Variants in TDP2 observed in about 807,000 individuals in gnomAD.
TDP2 encodes tyrosyl-DNA phosphodiesterase 2.
Under a neutral mutation model 42.8 loss-of-function variants are expected in TDP2, and 38 were observed. The ratio of observed to expected loss-of-function variants is 0.89; its 90% CI spans 0.68 to 1.16. TDP2 has a LOEUF of 1.16. TDP2 is among the 50% of genes most tolerant of loss of function. The pLI, the probability that TDP2 is intolerant of heterozygous loss-of-function variation, is 0.00. For synonymous variants in TDP2, 173 were observed against 150.6 expected (o/e 1.15, Z -1.09); for missense variants, 439 against 439.3 (o/e 1.00, Z 0.01).
At chr6:24,657,082 T>G (rs1164937792) in intron 4 of TDP2, among the ~76,000 whole-genome samples, 1 of 152,228 alleles carries the variant, frequency 6.6e-6, no homozygotes, top group African/African-American at 2.4e-5. Flanking sequence ...CAGTTGACAC[T>G]TGAACAACAC....
At chr6:24,658,038 T>A in intron 3 of TDP2, 135 bp from the exon 4 acceptor site, 1 of 551,140 alleles carries the variant, frequency 1.8e-6, no homozygotes, top group Non-Finnish European at 3.2e-6. Flanking sequence ...TTTATGCTGA[T>A]CTTTGATAAC....
At chr6:24,663,954 A>C (rs17243513) in intron 2 of TDP2, among the ~76,000 whole-genome samples, 6,206 of 152,348 alleles carry the variant, frequency 0.041, 352 homozygotes, top group African/African-American at 0.12. Flanking sequence ...TCCTTTTGGA[A>C]AAATGAAAAG....
At chr6:24,662,436 G>C (rs1778165917) in intron 2 of TDP2, among the ~76,000 whole-genome samples, 2 of 151,864 alleles carry the variant, frequency 1.3e-5, no homozygotes, top group South Asian at 2.1e-4. Flanking sequence ...ACTCTTTATT[G>C]CACTGAGATG....
chr6:24,665,908 T>C, intron 2 of TDP2: 1 of 524,588 alleles, frequency 1.9e-6, no homozygotes, highest in Non-Finnish European at 3.0e-6. Context: ...TAAAGATCTT[T>C]ACGAAGTTTC....
chr6:24,651,712 G>C (rs972011405), intron 6 of TDP2, among the ~76,000 whole-genome samples: 2 of 151,740 alleles, frequency 1.3e-5, no homozygotes, highest in Non-Finnish European at 2.9e-5. Context: ...TCAGCCTTCT[G>C]CATAGCTGGG....
chr6:24,662,032 T>G (rs1778157105), intron 2 of TDP2, among the ~76,000 whole-genome samples: 1 of 152,136 alleles, frequency 6.6e-6, no homozygotes, highest in Admixed American at 6.5e-5. Flanking sequence ...TTGTTAAAAT[T>G]GTGTTTGCAA....
In TDP2 at chr6:24,666,100, AAT is replaced by A. The variant is rs575367597; in HGVS notation, c.251+424_251+425del. On this transcript the variant is annotated intron_variant, in intron 2 of 6. Transcript: ENST00000378198. The stretch of plus-strand genomic sequence containing the variant: ...CAGGAGTAGGTGTGCATTAAAAAAA[AAT>A]AACAACAACAACAAACCTGTTATTC... 1.4e-3 allele frequency: 2,208 copies of A among 1,543,038 alleles called. 19 individuals carry two copies. In the African/African-American group the frequency reaches 0.027, roughly 19 times the overall value.
chr6:24,658,110 G>T (rs1778085585), intron 3 of TDP2, among the ~76,000 whole-genome samples: 1 of 152,130 alleles, frequency 6.6e-6, no homozygotes, highest in Non-Finnish European at 1.5e-5. Context: ...ATATCAAAAA[G>T]AACTAGAAAA....
In TDP2 at chr6:24,650,881, T is replaced by C. The variant is rs577790528; in HGVS notation, c.996A>G (p.Arg332=). The C allele has an allele frequency of 6.2e-6, 10 of 1,614,180 alleles. No individual in the cohort carries two copies. In the South Asian group the frequency reaches 9.9e-5, roughly 16 times the overall value. ...TTTCTAATCCAAGAAGGTCCAAACTTCGGGGAATAATGTGTCCCTCTTCTG... is the reference window on the plus strand; with the variant it reads ...TTTCTAATCCAAGAAGGTCCAAACTCCGGGGAATAATGTGTCCCTCTTCTG... ...AAAEEGHIIP[R]SLDLLGLEKL... is the part of the protein sequence containing the mutation. Residue 332 remains arginine, a synonymous_variant, in exon 7 of 7, where the codon CGA becomes CGG. Coordinates refer to ENST00000378198, the MANE Select transcript of TDP2 (RefSeq NM_016614.3).
At chr6:24,656,984 C>A (rs1222490456) in intron 4 of TDP2, among the ~76,000 whole-genome samples, 1 of 152,094 alleles carries the variant, frequency 6.6e-6, no homozygotes, top group Non-Finnish European at 1.5e-5. Context: ...TGAGAGAGAA[C>A]CCTCTCCTTA....
chr6:24,661,008 C>G (rs993463218), intron 2 of TDP2, among the ~76,000 whole-genome samples: 1 of 152,190 alleles, frequency 6.6e-6, no homozygotes, highest in Non-Finnish European at 1.5e-5. Flanking sequence ...GCTTTGATCA[C>G]TTGGTTAAAG....
intron 2 of TDP2, among the ~76,000 whole-genome samples, chr6:24,663,513 T>G (rs1032776213): frequency 5.9e-5 from 9 of 152,214 alleles, no homozygotes; most frequent in Non-Finnish European, 1.3e-4. Context: ...CCAAATCTCA[T>G]GTTGAGATAT....
At position 24,666,613 on chromosome 6, in the gene TDP2, T is replaced by C. The variant is rs1393889489; in HGVS notation, c.166-2A>G. ...CTCGAAGTAGGAGTTCAGAGCCCTCTGAAAAACAAAGGCACAAGGGATGAG... is the reference window on the plus strand; with the variant it reads ...CTCGAAGTAGGAGTTCAGAGCCCTCCGAAAAACAAAGGCACAAGGGATGAG... On this transcript the variant is annotated splice_acceptor_variant, in intron 1 of 6. Transcript: ENST00000378198. LOFTEE classifies it high-confidence loss of function. The C allele has an allele frequency of 6.2e-7, 1 of 1,614,190 alleles. No individual in the cohort carries two copies. Among genetic ancestry groups the C allele is most frequent in the Non-Finnish European group, 8.5e-7 (1 of 1,180,028 alleles).
At chr6:24,663,750 G>C (rs1219263629) in intron 2 of TDP2, among the ~76,000 whole-genome samples, 1 of 152,200 alleles carries the variant, frequency 6.6e-6, no homozygotes, top group Non-Finnish European at 1.5e-5. Flanking sequence ...AGGCCCAGCA[G>C]AGGCTGGGGC....
intron 4 of TDP2, among the ~76,000 whole-genome samples, chr6:24,655,287 A>G (rs2127617470): frequency 6.6e-6 from 1 of 152,358 alleles, no homozygotes; most frequent in Non-Finnish European, 1.5e-5. Context: ...CCATGAATGA[A>G]AGCTTCCAAC....
Position 24,650,570 on chromosome 6 carries a change from T to C in TDP2, c.*218A>G. On this transcript the variant is annotated 3_prime_UTR_variant, in exon 7 of 7. Transcript: ENST00000378198. ...GAAAACTCTGACAGGCTTTGTGCCC[T>C]TTTTATTAAATGGCCTCACATCCTG... 1.8e-6 allele frequency: 1 copy of C among 551,844 alleles called. No homozygotes were observed. The highest frequency in any genetic ancestry group is 1.9e-5 in the African/African-American group (1 of 52,670). The allele number at this position is 551,844 out of a possible 1,614,324, so 34.2% of individuals were successfully genotyped here.
chr6:24,650,689 T>G lies in TDP2; in HGVS notation c.*99A>C. Reference sequence around the variant, plus strand: ...ATCATAGTTGGTTTTTCTGTGACAATGATCTAGTACATTATTTCCTCCACA... The same window carrying G: ...ATCATAGTTGGTTTTTCTGTGACAAGGATCTAGTACATTATTTCCTCCACA... On this transcript the variant is annotated 3_prime_UTR_variant, in exon 7 of 7. Transcript: ENST00000378198. The G allele has an allele frequency of 1.7e-6, 2 of 1,185,654 alleles. No homozygotes were observed. The highest frequency in any genetic ancestry group is 2.4e-6 in the Non-Finnish European group (2 of 843,456). The allele number at this position is 1,185,654 out of a possible 1,614,324, so 73.4% of individuals were successfully genotyped here. A position where few individuals can be genotyped will look rare whatever the true frequency, so the allele number is the denominator to read the frequency against.
At chr6:24,666,226 T>C (rs1303011226) in intron 2 of TDP2, 19 of 1,547,864 alleles carry the variant, frequency 1.2e-5, no homozygotes, top group Non-Finnish European at 1.4e-5. Context: ...CTTCGTTCAT[T>C]TGTTTCAAAC....
chr6:24,655,527 C>G (rs1778048743), intron 4 of TDP2, among the ~76,000 whole-genome samples: 1 of 152,104 alleles, frequency 6.6e-6, no homozygotes, highest in Non-Finnish European at 1.5e-5. Flanking sequence ...TTAAACAACC[C>G]CCAGGTTTCC....
Sources: gnomAD v4.1 joint callset for allele counts (sites outside exome capture counted in the v4.1 genomes callset) on GRCh38, gnomAD v4.1.1 for gene constraint, MANE v1.5 for transcripts, NCBI Gene and HGNC (gene_info 2026-07-23, HGNC 2026-07-21) for gene names.